ITPR2: variants seen among roughly 807,000 people sequenced by gnomAD.
ITPR2 encodes inositol 1,4,5-trisphosphate receptor type 2, also known as inositol 1,4,5-trisphosphate-gated calcium channel ITPR2.
ITPR2 carries 207 observed loss-of-function variants against 317.1 expected under a neutral mutation model. The ratio of observed to expected loss-of-function variants is 0.65; its 90% confidence interval spans 0.58 to 0.73. The LOEUF (loss-of-function observed/expected upper bound fraction) is 0.73, where lower values mean the gene tolerates loss of function less well. Ranked by LOEUF, ITPR2 falls within the 30% of genes least tolerant of loss-of-function variation. The probability of loss-of-function intolerance (pLI) is 0.00; values close to 1 mark genes in which losing one functional copy is unlikely to be tolerated. For missense variants in ITPR2, 2,613 were observed against 3,284.0 expected (o/e 0.80, Z 4.99); for synonymous variants, 1,156 against 1,149.1 (o/e 1.01, Z -0.12).
intron 2 of ITPR2, among the ~76,000 whole-genome samples, chr12:26,770,341 T>C (rs1949817199): frequency 6.6e-6 from 1 of 152,196 alleles, no homozygotes; most frequent in Non-Finnish European, 1.5e-5. Flanking sequence ...AGCTTCTAAC[T>C]ACCCCCACAA....
intron 1 of ITPR2, among the ~76,000 whole-genome samples, chr12:26,832,267 C>T (rs1951124226): frequency 6.6e-6 from 1 of 152,254 alleles, no homozygotes; most frequent in Non-Finnish European, 1.5e-5. Context: ...ATCGACTGCT[C>T]TTTCAAACCC....
chr12:26,486,959 G>A (rs772482993), intron 40 of ITPR2, 109 bp downstream of exon 40: 5 of 1,111,660 alleles, frequency 4.5e-6, no homozygotes, highest in Non-Finnish European at 6.9e-6. Flanking sequence ...GAGCCACAGT[G>A]GGGATAATTA....
Position 26,338,201 on chromosome 12 carries a change from C to CT in ITPR2, c.*1195dup, listed in dbSNP as rs1937984363. ...CTCTGCTATTCCAAATGTGTAGTCT[C>CT]TAAGAATAACCTGAACACACCAGGT... On this transcript the variant is annotated 3_prime_UTR_variant, in exon 57 of 57. Coordinates refer to ENST00000381340, the MANE Select transcript of ITPR2 (RefSeq NM_002223.4). The CT allele has an allele frequency of 6.6e-6, 1 of 152,416 alleles. No homozygotes were observed. The highest frequency in any genetic ancestry group is 1.5e-5 in the Non-Finnish European group (1 of 67,998). The allele number at this position is 152,416 out of a possible 1,614,324, so 9.4% of individuals were successfully genotyped here.
intron 32 of ITPR2, among the ~76,000 whole-genome samples, chr12:26,583,021 C>A (rs942182064): frequency 4.1e-4 from 63 of 152,034 alleles, no homozygotes; most frequent in African/African-American, 1.4e-3. Context: ...TGTCTCCAGG[C>A]TTTCCCCAGG....
At chr12:26,369,556 A>G (rs1028422827) in intron 55 of ITPR2, among the ~76,000 whole-genome samples, 2 of 152,280 alleles carry the variant, frequency 1.3e-5, no homozygotes, top group African/African-American at 4.8e-5. Context: ...TTTCTTTCCA[A>G]TTAAGTGCTT....
chr12:26,605,067 G>A (rs566815598), intron 26 of ITPR2, among the ~76,000 whole-genome samples: 16 of 136,152 alleles, frequency 1.2e-4, no homozygotes, highest in African/African-American at 3.2e-4. Context: ...CAGCCTGGGC[G>A]ACAGAGCATG....
chr12:26,648,588 TA>T (rs746867785), intron 21 of ITPR2, among the ~76,000 whole-genome samples: 1 of 146,718 alleles, frequency 6.8e-6, no homozygotes. Context: ...GAAAAATACT[TA>T]CAGTATGAGA....
chr12:26,619,679 C>T (rs576971014), intron 26 of ITPR2, among the ~76,000 whole-genome samples: 1 of 152,138 alleles, frequency 6.6e-6, no homozygotes, highest in East Asian at 1.9e-4. Flanking sequence ...CAAAACTAAG[C>T]CAGCTGATCC....
intron 2 of ITPR2, among the ~76,000 whole-genome samples, chr12:26,761,980 G>A (rs571666858): frequency 2.0e-5 from 3 of 152,264 alleles, no homozygotes; most frequent in East Asian, 3.9e-4. Flanking sequence ...GGCTTTAACA[G>A]CAGATTTGAT....
intron 2 of ITPR2, among the ~76,000 whole-genome samples, chr12:26,753,673 TG>T (rs1226067077): frequency 2.0e-5 from 3 of 152,228 alleles, no homozygotes; most frequent in Non-Finnish European, 4.4e-5. Flanking sequence ...AAAAAGGATT[TG>T]TGAGGCTAGT....
intron 13 of ITPR2, among the ~76,000 whole-genome samples, 161 bp from the exon 14 acceptor site, chr12:26,666,212 C>A (rs1385880846): frequency 6.7e-6 from 1 of 149,516 alleles, no homozygotes; most frequent in African/African-American, 2.5e-5. Flanking sequence ...ATGGAAATTT[C>A]TTTTTATTAA....
Position 26,729,734 on chromosome 12 carries a change from C to T in ITPR2, c.164-3969G>A, listed in dbSNP as rs1439559132. ...TCAAATAAGTTATATTTAGCTCCCA[C>T]TTATAAGTGGGAGCTAAAAGATGAG... is the stretch of plus-strand genomic sequence containing the variant. On this transcript the variant is annotated intron_variant, in intron 2 of 56. Transcript: ENST00000381340. 3.3e-5 allele frequency among the ~76,000 whole-genome samples: 5 copies of T among 152,078 alleles called. No homozygotes were observed. The East Asian group carries it at 7.7e-4, about 24-fold the overall frequency.
intron 2 of ITPR2, 23 bp downstream of exon 2, chr12:26,790,133 TA>T: frequency 7.2e-6 from 11 of 1,534,092 alleles, no homozygotes; most frequent in African/African-American, 1.4e-5. Flanking sequence ...CTCACACAAT[TA>T]AAAAAATATA....
Position 26,657,893 on chromosome 12 carries a change from C to A in ITPR2, c.2007-1G>T. ...GTTGTCTGCTTGCATTGAGACCACC[C>A]TTCAAATAAATAGCACATACAAAAA... On this transcript the variant is annotated splice_acceptor_variant, in intron 17 of 56. Transcript: ENST00000381340. LOFTEE classifies it high-confidence loss of function. 1 of 1,612,710 alleles carries A rather than the reference C, an allele frequency of 6.2e-7. No homozygotes were observed. The highest frequency in any genetic ancestry group is 1.1e-5 in the South Asian group (1 of 90,846).
intron 24 of ITPR2, among the ~76,000 whole-genome samples, chr12:26,623,831 T>A (rs993100128): frequency 6.6e-6 from 1 of 152,248 alleles, no homozygotes; most frequent in Non-Finnish European, 1.5e-5. Context: ...AGGCTAGTCA[T>A]GTCAAAGGTG....
intron 21 of ITPR2, among the ~76,000 whole-genome samples, chr12:26,646,325 A>G (rs948733366): frequency 6.6e-6 from 1 of 152,060 alleles, no homozygotes; most frequent in Non-Finnish European, 1.5e-5. Context: ...CCATAAAGCA[A>G]TATTTAAAAA....
At chr12:26,480,145 A>G (rs996260875) in intron 43 of ITPR2, among the ~76,000 whole-genome samples, 40 of 152,248 alleles carry the variant, frequency 2.6e-4, no homozygotes, top group African/African-American at 8.7e-4. Flanking sequence ...AATTTAAGCA[A>G]GAATTATTTT....
At chr12:26,804,154 C>T (rs1251339509) in intron 1 of ITPR2, among the ~76,000 whole-genome samples, 1 of 152,084 alleles carries the variant, frequency 6.6e-6, no homozygotes, top group African/African-American at 2.4e-5. Context: ...AAAACAACTT[C>T]CCATTCCCAG....
chr12:26,666,387 C>A (rs769762142), intron 13 of ITPR2, among the ~76,000 whole-genome samples: 2 of 152,188 alleles, frequency 1.3e-5, no homozygotes, highest in Non-Finnish European at 2.9e-5. Context: ...TCTCATCAAG[C>A]GTTTGCAGAC....
Sources: allele counts gnomAD v4.1 joint callset (sites outside exome capture counted in the v4.1 genomes callset), GRCh38; gene constraint gnomAD v4.1.1; transcripts MANE v1.5; gene names NCBI Gene and HGNC (gene_info 2026-07-23, HGNC 2026-07-21).